UNC79: variants seen among roughly 807,000 people sequenced by gnomAD.
UNC79 encodes protein unc-79 homolog.
UNC79 carries 37 observed loss-of-function variants against 283.1 expected under a neutral mutation model. The observed-to-expected ratio is 0.13, with a 90% confidence interval of 0.10 to 0.17. The LOEUF (loss-of-function observed/expected upper bound fraction) is 0.17, where lower values mean the gene tolerates loss of function less well. Ranked by LOEUF, UNC79 falls within the 10% of genes least tolerant of loss-of-function variation. The probability of loss-of-function intolerance (pLI) is 1.00; values close to 1 mark genes in which losing one functional copy is unlikely to be tolerated. For missense variants in UNC79, 2,272 were observed against 3,211.1 expected, an observed-to-expected ratio of 0.71 and a Z score of 7.07; for synonymous variants, 1,107 against 1,200.2, an observed-to-expected ratio of 0.92 and a Z score of 1.61.
At position 93,586,642 on chromosome 14, in the gene UNC79, G is replaced by A. The variant is rs550787628; in HGVS notation, c.2850G>A (p.Pro950=). 3.3e-4 allele frequency: 537 copies of A among 1,613,730 alleles called. 3 individuals are homozygous for A. In the South Asian group the frequency reaches 4.4e-3, roughly 13 times the overall value. The change falls in exon 21 of 49, where the codon CCG becomes CCA. Residue 950 remains proline, a synonymous_variant. Coordinates refer to ENST00000555664, the Ensembl canonical transcript of UNC79. ...GAAAATTTTGCTACCAACAGCTTCCGGTAACATTGAGACTAATATATACCA... is the reference window on the plus strand; with the variant it reads ...GAAAATTTTGCTACCAACAGCTTCCAGTAACATTGAGACTAATATATACCA...
intron 4 of UNC79, among the ~76,000 whole-genome samples, chr14:93,480,456 G>A (rs1480317879): frequency 7.2e-5 from 11 of 152,140 alleles, no homozygotes; most frequent in Non-Finnish European, 1.3e-4. Flanking sequence ...TACTTCATGT[G>A]TTTATTTTGT....
Position 93,430,849 on chromosome 14 carries a change from C to G in UNC79, c.-181C>G. On this transcript the variant is annotated 5_prime_UTR_variant, in exon 1 of 49. Transcript: ENST00000555664. This position sits in a 1 kb window ranked among gnomAD's most constrained non-coding sequence, Gnocchi z 4.6. The stretch of plus-strand genomic sequence containing the variant: ...GGGCGATTTCCTAACCTTCCGGGAC[C>G]GAATTCTGCAATTTGATGTGCGTTT... 1 of 517,410 alleles carries G rather than the reference C, an allele frequency of 1.9e-6. No homozygotes were observed. The highest frequency in any genetic ancestry group is 3.5e-6 in the Non-Finnish European group (1 of 288,436). The allele number at this position is 517,410 out of a possible 1,614,324, so 32.1% of individuals were successfully genotyped here. A position where few individuals can be genotyped will look rare whatever the true frequency, so the allele number is the denominator to read the frequency against.
At chr14:93,661,129 C>T (rs1487916547) in intron 39 of UNC79, among the ~76,000 whole-genome samples, 1 of 151,534 alleles carries the variant, frequency 6.6e-6, no homozygotes, top group Non-Finnish European at 1.5e-5. Flanking sequence ...CATTTTTTTT[C>T]TGGGAATCTA....
chr14:93,425,203 G>A (rs1268918820), intron 1 of UNC79, among the ~76,000 whole-genome samples: 3 of 152,132 alleles, frequency 2.0e-5, no homozygotes, highest in Non-Finnish European at 4.4e-5. Flanking sequence ...ATCACATGGT[G>A]ACAGGAAGGA....
At chr14:93,614,436 C>T (rs2066542578) in intron 27 of UNC79, among the ~76,000 whole-genome samples, 1 of 152,034 alleles carries the variant, frequency 6.6e-6, no homozygotes, top group Non-Finnish European at 1.5e-5. Context: ...CCTGCTTCAG[C>T]CTCCAGAATA....
intron 14 of UNC79, among the ~76,000 whole-genome samples, chr14:93,557,395 A>T (rs1415902917): frequency 6.6e-6 from 1 of 152,164 alleles, no homozygotes; most frequent in East Asian, 1.9e-4. Flanking sequence ...GTTAATCTGA[A>T]GATGGAGCTG....
intron 7 of UNC79, among the ~76,000 whole-genome samples, chr14:93,511,504 G>A (rs890284973): frequency 2.0e-5 from 3 of 152,070 alleles, no homozygotes; most frequent in African/African-American, 4.8e-5. Flanking sequence ...CTGGAGTGTT[G>A]TGGTGCGATC....
chr14:93,603,308 G>A (rs1266342413), exon 26 of UNC79: 3 of 1,614,026 alleles, frequency 1.9e-6, no homozygotes, highest in Admixed American at 1.7e-5. Context: ...AAGAGAGCTC[G>A]CTTTGCAAGA....
At chr14:93,420,423 T>C (rs1200626149) in intron 1 of UNC79, among the ~76,000 whole-genome samples, 1 of 151,722 alleles carries the variant, frequency 6.6e-6, no homozygotes, top group Non-Finnish European at 1.5e-5. Flanking sequence ...AGTAAATATA[T>C]ATGTACTCAA....
At chr14:93,347,416 A>G (rs1384082000) in intron 1 of UNC79, 2 of 1,472,928 alleles carry the variant, frequency 1.4e-6, no homozygotes, top group Non-Finnish European at 1.8e-6. Context: ...CCCAGCCATC[A>G]TGGTGGGCGG....
At chr14:93,625,319 C>G (rs572234152) in intron 30 of UNC79, among the ~76,000 whole-genome samples, 1 of 152,328 alleles carries the variant, frequency 6.6e-6, no homozygotes, top group East Asian at 1.9e-4. Flanking sequence ...ATCACGGCAC[C>G]CACTACTTGC....
At chr14:93,486,130 G>A (rs1323810487) in intron 4 of UNC79, among the ~76,000 whole-genome samples, 1 of 152,156 alleles carries the variant, frequency 6.6e-6, no homozygotes, top group Non-Finnish European at 1.5e-5. Flanking sequence ...GCCTGTGGCA[G>A]TGGTCTTCTC....
intron 7 of UNC79, among the ~76,000 whole-genome samples, chr14:93,509,672 A>G (rs137927756): frequency 6.6e-6 from 1 of 152,316 alleles, no homozygotes; most frequent in Non-Finnish European, 1.5e-5. Context: ...ACACTAATGC[A>G]AGGGGTTGGC....
At position 93,639,909 on chromosome 14, in the gene UNC79, C is replaced by T. The variant is rs77333781; in HGVS notation, c.5801-1236C>T. Among the ~76,000 whole-genome samples the T allele has an allele frequency of 4.5e-3, 680 of 152,252 alleles. 21 individuals are homozygous for T. The highest frequency in any genetic ancestry group is 5.6e-3 in the East Asian group (29 of 5,184). The stretch of plus-strand genomic sequence containing the variant: ...TCCCCTATTTGAGGAAAGGTCATAC[C>T]GGGTTTTTGTTTGCTTGTTTGTTTT... On this transcript the variant is annotated intron_variant, in intron 32 of 48. Coordinates refer to ENST00000555664, the Ensembl canonical transcript of UNC79.
intron 41 of UNC79, among the ~76,000 whole-genome samples, chr14:93,674,918 A>G (rs146395886): frequency 6.6e-6 from 1 of 152,334 alleles, no homozygotes; most frequent in East Asian, 1.9e-4. Context: ...TATAACACAC[A>G]GCCTTGACAG....
At chr14:93,620,005 C>G (rs909310786) in intron 29 of UNC79, among the ~76,000 whole-genome samples, 6 of 152,238 alleles carry the variant, frequency 3.9e-5, no homozygotes, top group Non-Finnish European at 7.3e-5. Context: ...CATATGAACT[C>G]TTTCCTCATT....
At chr14:93,571,078 A>G (rs2063180281) in intron 14 of UNC79, among the ~76,000 whole-genome samples, 1 of 152,220 alleles carries the variant, frequency 6.6e-6, no homozygotes, top group Non-Finnish European at 1.5e-5. Context: ...GGAGCTTTAA[A>G]ATAGAATTGA....
chr14:93,536,063 T>C (rs1297911685), intron 11 of UNC79, among the ~76,000 whole-genome samples: 2 of 152,328 alleles, frequency 1.3e-5, no homozygotes, highest in East Asian at 1.9e-4. Context: ...TTAAGTATTC[T>C]TCCTTTTGCT....
exon 27 of UNC79, chr14:93,612,873 T>C (rs748674157): frequency 1.4e-5 from 22 of 1,613,864 alleles, no homozygotes; most frequent in Non-Finnish European, 1.9e-5. Context: ...ACCAGACAGT[T>C]CACCAGCTGA....
Sources: gnomAD v4.1 joint callset for allele counts (sites outside exome capture counted in the v4.1 genomes callset) on GRCh38, gnomAD v4.1.1 for gene constraint, Gnocchi (gnomAD v3.1) non-coding constraint, MANE v1.5 for transcripts, NCBI Gene and HGNC (gene_info 2026-07-23, HGNC 2026-07-21) for gene names.